Variants in ESR1 observed in about 807,000 individuals in gnomAD.
The protein encoded by ESR1 is estrogen receptor.
ESR1 carries 12 observed loss-of-function variants against 52.7 expected under a neutral mutation model. The observed-to-expected ratio is 0.23, with a 90% CI of 0.15 to 0.37. The LOEUF is 0.37. Ranked by LOEUF, ESR1 falls within the 10% of genes least tolerant of loss-of-function variation. The pLI is 1.00. For missense variants in ESR1, 584 were observed against 779.7 expected (o/e 0.75, Z 2.99); for synonymous variants, 305 against 316.8 (o/e 0.96, Z 0.39).
At chr6:151,708,931 A>G (rs576977360) in intron 2 of ESR1, among the ~76,000 whole-genome samples, 18 of 152,248 alleles carry the variant, frequency 1.2e-4, no homozygotes, top group Non-Finnish European at 2.2e-4. Flanking sequence ...AATATAGCTA[A>G]TTAACATGTG....
chr6:152,072,590 G>T (rs1370275835), intron 6 of ESR1, among the ~76,000 whole-genome samples: 2 of 152,126 alleles, frequency 1.3e-5, no homozygotes. Context: ...GGAGATGTTG[G>T]TTCAGAAAGT....
At chr6:151,803,631 G>C (rs1414809818), upstream of ESR1, among the ~76,000 whole-genome samples, 1 of 152,126 alleles carries the variant, frequency 6.6e-6, no homozygotes, top group African/African-American at 2.4e-5. Flanking sequence ...CAGGTTGCAG[G>C]GTTTAGGATG....
chr6:151,936,976 C>T (rs2034442210), intron 3 of ESR1, among the ~76,000 whole-genome samples: 1 of 151,796 alleles, frequency 6.6e-6, no homozygotes, highest in East Asian at 1.9e-4. Flanking sequence ...GTTTTCAAGG[C>T]CAATACAAGA....
intron 2 of ESR1, among the ~76,000 whole-genome samples, chr6:151,723,240 G>C (rs1025283417): frequency 1.3e-5 from 2 of 152,114 alleles, no homozygotes; most frequent in East Asian, 3.9e-4. Context: ...GAGGGGAAGA[G>C]GGAGGTGAGG....
chr6:151,676,467 G>A (rs375218545), intron 1 of ESR1, among the ~76,000 whole-genome samples: 1 of 152,318 alleles, frequency 6.6e-6, no homozygotes, highest in East Asian at 1.9e-4. Context: ...AAAGGACTAA[G>A]GTCCTCAGCA....
intron 2 of ESR1, among the ~76,000 whole-genome samples, chr6:151,716,444 C>T (rs1781043195): frequency 6.6e-6 from 1 of 152,200 alleles, no homozygotes; most frequent in Non-Finnish European, 1.5e-5. Flanking sequence ...CGCCGCTTCC[C>T]CCAGGTGCTC....
At chr6:151,689,626 A>C (rs760928179), upstream of ESR1, among the ~76,000 whole-genome samples, 132 of 152,274 alleles carry the variant, frequency 8.7e-4, no homozygotes, top group Non-Finnish European at 1.5e-3. Context: ...TTTGAGATGC[A>C]CCTCTTACTT....
rs527411391 is a variant in ESR1 at position 151,873,363 on chromosome 6, A to G, written c.644-7292A>G. On this transcript the variant is annotated intron_variant, in intron 2 of 7. Coordinates refer to ENST00000206249, the MANE Select transcript of ESR1 (RefSeq NM_000125.4). The stretch of plus-strand genomic sequence containing the variant: ...CCTAGGGGGTTAAATGAAACAATCA[A>G]TGTATAACACACTTCCTGGCATGTG... Among the ~76,000 whole-genome samples, 27 of 152,290 alleles carry G rather than the reference A, an allele frequency of 1.8e-4. No individual in the cohort carries two copies. In the South Asian group the frequency reaches 5.2e-3, roughly 29 times the overall value.
At chr6:151,964,489 A>C (rs1238161448) in intron 4 of ESR1, among the ~76,000 whole-genome samples, 1 of 152,060 alleles carries the variant, frequency 6.6e-6, no homozygotes, top group East Asian at 1.9e-4. Flanking sequence ...TATTATATAG[A>C]AAAGCTATGG....
downstream of ESR1, among the ~76,000 whole-genome samples, chr6:152,106,554 G>A (rs955393195): frequency 2.6e-5 from 4 of 152,108 alleles, no homozygotes; most frequent in African/African-American, 9.7e-5. Context: ...CCTGGTTGAT[G>A]ATCATTGATG....
At chr6:152,004,230 G>A (rs1165404027) in intron 4 of ESR1, among the ~76,000 whole-genome samples, 1 of 151,974 alleles carries the variant, frequency 6.6e-6, no homozygotes, top group African/African-American at 2.4e-5. Context: ...GTCCAGAGCA[G>A]GGAAAAGCTG....
intron 6 of ESR1, among the ~76,000 whole-genome samples, chr6:152,123,560 C>T (rs7760864): frequency 0.015 from 2,277 of 152,268 alleles, 60 homozygotes; most frequent in African/African-American, 0.052. Flanking sequence ...GAAGTAGATT[C>T]TGAGTTGGGT....
chr6:152,045,387 G>A (rs375526718), intron 5 of ESR1, among the ~76,000 whole-genome samples: 9 of 152,302 alleles, frequency 5.9e-5, no homozygotes, highest in African/African-American at 1.7e-4. Context: ...ATCAACCAGG[G>A]CATGGTACTC....
At chr6:151,687,728 G>A (rs1364544248), upstream of ESR1, among the ~76,000 whole-genome samples, 2 of 152,094 alleles carry the variant, frequency 1.3e-5, no homozygotes, top group African/African-American at 2.4e-5. Context: ...AAAAAGGTTG[G>A]AACCTGAAAA....
At chr6:151,875,960 C>G (rs1340889834) in intron 2 of ESR1, among the ~76,000 whole-genome samples, 1 of 152,090 alleles carries the variant, frequency 6.6e-6, no homozygotes, top group Admixed American at 6.5e-5. Context: ...GGAAAAATCA[C>G]TGTGGCCACC....
intron 2 of ESR1, among the ~76,000 whole-genome samples, chr6:151,740,285 ATTTTTTTTTT>A (rs386408967): frequency 9.3e-6 from 1 of 108,008 alleles, no homozygotes; most frequent in East Asian, 2.5e-4. Flanking sequence ...TGCCTGGCTA[ATTTTTTTTTT>A]TTTTTTTTTT....
At chr6:151,976,926 A>T in intron 4 of ESR1, among the ~76,000 whole-genome samples, 1 of 152,148 alleles carries the variant, frequency 6.6e-6, no homozygotes, top group Non-Finnish European at 1.5e-5. Flanking sequence ...ACCACTAAAT[A>T]TAGTAAGGGA....
chr6:151,820,164 A>G (rs374159272), intron 1 of ESR1, among the ~76,000 whole-genome samples: 4 of 152,160 alleles, frequency 2.6e-5, no homozygotes, highest in East Asian at 3.9e-4. Flanking sequence ...GACCCTTTCA[A>G]CTGAATTTTT....
chr6:151,785,589 G>A (rs1245799061), intron 2 of ESR1, among the ~76,000 whole-genome samples: 8 of 152,156 alleles, frequency 5.3e-5, no homozygotes, highest in Non-Finnish European at 1.2e-4. Context: ...ATGATTCCAG[G>A]ACAAAGTGAA....
Sources: gnomAD v4.1 joint callset for allele counts (sites outside exome capture counted in the v4.1 genomes callset) on GRCh38, gnomAD v4.1.1 for gene constraint, MANE v1.5 for transcripts, NCBI Gene and HGNC (gene_info 2026-07-23, HGNC 2026-07-21) for gene names.